The following KCTD15 variants were observed in gnomAD, a reference collection of about 807,000 sequenced individuals.
The protein encoded by KCTD15 is BTB/POZ domain-containing protein KCTD15.
A neutral mutation model predicts 27.2 loss-of-function variants in KCTD15; 11 were observed. The observed-to-expected ratio is 0.41, with a 90% CI of 0.25 to 0.67. The LOEUF is 0.67. Among genes scored for constraint, KCTD15 ranks in the 30% least tolerant of loss-of-function variants. The pLI, the probability that KCTD15 is intolerant of heterozygous loss-of-function variation, is 0.35. For synonymous variants in KCTD15, 163 were observed against 176.0 expected (o/e 0.93, Z 0.58); for missense variants, 350 against 409.3 (o/e 0.86, Z 1.25).
intron 2 of KCTD15, among the ~76,000 whole-genome samples, 184 bp from the exon 3 acceptor site, chr19:33,800,242 GGA>G (rs1975482186): frequency 6.6e-6 from 1 of 152,174 alleles, no homozygotes; most frequent in Non-Finnish European, 1.5e-5. Flanking sequence ...GCTACAGCCT[GGA>G]GGCCTGCTTT....
At chr19:33,805,784 C>T (rs1181226261) in intron 4 of KCTD15, among the ~76,000 whole-genome samples, 1 of 152,184 alleles carries the variant, frequency 6.6e-6, no homozygotes, top group Non-Finnish European at 1.5e-5. Context: ...CCTAGTTATC[C>T]CTAGCTCGAC....
intron 5 of KCTD15, among the ~76,000 whole-genome samples, chr19:33,809,931 A>G (rs1021379121): frequency 2.0e-5 from 3 of 152,214 alleles, no homozygotes; most frequent in Non-Finnish European, 4.4e-5. Context: ...GGCCCAGGAT[A>G]GAGCCCTGAG....
chr19:33,798,621 T>G (rs1362377348), intron 1 of KCTD15, 47 bp from the exon 2 acceptor site: 2 of 152,746 alleles, frequency 1.3e-5, no homozygotes, highest in Non-Finnish European at 2.9e-5. Context: ...GCTGGTGGAA[T>G]GAACTTGTAT....
intron 4 of KCTD15, 101 bp from the exon 5 acceptor site, chr19:33,806,762 C>A: frequency 7.2e-7 from 1 of 1,379,614 alleles, no homozygotes; most frequent in Non-Finnish European, 1.0e-6. Context: ...GTCCCTCGCC[C>A]CTCCAGCCGT....
intron 1 of KCTD15, among the ~76,000 whole-genome samples, 169 bp downstream of exon 1, chr19:33,797,156 C>T (rs1432327213): frequency 2.0e-5 from 3 of 151,894 alleles, no homozygotes; most frequent in Non-Finnish European, 4.4e-5. Context: ...AGCACAAAGG[C>T]CTGGTGCAAG....
At chr19:33,810,692 A>C (rs1441662391) in intron 5 of KCTD15, among the ~76,000 whole-genome samples, 5 of 150,540 alleles carry the variant, frequency 3.3e-5, no homozygotes, top group Admixed American at 1.3e-4. Flanking sequence ...AAAAAACAAA[A>C]AAAAACGAAA....
At chr19:33,804,062 C>T (rs781743098) in intron 4 of KCTD15, among the ~76,000 whole-genome samples, 4 of 152,186 alleles carry the variant, frequency 2.6e-5, no homozygotes, top group African/African-American at 7.2e-5. Context: ...CCACAGGGAA[C>T]GTGGAGCCCC....
chr19:33,804,428 T>C (rs1975652968), intron 4 of KCTD15, among the ~76,000 whole-genome samples: 1 of 152,012 alleles, frequency 6.6e-6, no homozygotes, highest in Non-Finnish European at 1.5e-5. Flanking sequence ...GTCAGAAGGG[T>C]TGGGAACTCA....
chr19:33,813,697 CTG>C lies in KCTD15; in HGVS notation c.*754_*755del. On this transcript the variant is annotated 3_prime_UTR_variant, in exon 7 of 7. Coordinates refer to ENST00000683859, the MANE Select transcript of KCTD15 (RefSeq NM_001129994.2). ...GCTGCCCAGGGGCTTCCAGTCCTGT[CTG>C]TGTGGACTGGCACCTGGGCTGCTGG... 1 of 242,726 alleles carries C rather than the reference CTG, an allele frequency of 4.1e-6. No homozygotes were observed. Among genetic ancestry groups the C allele is most frequent in the East Asian group, 1.4e-4 (1 of 7,312 alleles). 15.0% of individuals were successfully genotyped at this position (242,726 alleles called of 1,614,324 possible). A position where few individuals can be genotyped will look rare whatever the true frequency, so the allele number is the denominator to read the frequency against.
At chr19:33,812,608 C>T in intron 6 of KCTD15, 182 bp from the exon 7 acceptor site, 2 of 1,294,128 alleles carry the variant, frequency 1.5e-6, no homozygotes, top group Non-Finnish European at 2.0e-6. Flanking sequence ...CCACTTCTGT[C>T]CCTCTGGTGG....
intron 4 of KCTD15, among the ~76,000 whole-genome samples, chr19:33,806,382 G>T (rs747637778): frequency 6.6e-6 from 1 of 152,184 alleles, no homozygotes; most frequent in African/African-American, 2.4e-5. Context: ...TCTCACACTC[G>T]TTTACATGGG....
chr19:33,794,674 C>T (rs561728946), upstream of KCTD15, among the ~76,000 whole-genome samples: 15 of 152,334 alleles, frequency 9.8e-5, no homozygotes, highest in Middle Eastern at 3.4e-3. Flanking sequence ...TTGGGGGCAC[C>T]CACACACACA....
rs575181802 is a variant in KCTD15 at position 33,810,880 on chromosome 19, C to T, written c.388-367C>T. Among the ~76,000 whole-genome samples, 17 of 151,972 alleles carry T rather than the reference C, an allele frequency of 1.1e-4. No individual in the cohort carries two copies. The South Asian group carries it at 1.5e-3, about 13-fold the overall frequency. On this transcript the variant is annotated intron_variant, in intron 5 of 6. Coordinates refer to ENST00000683859, the MANE Select transcript of KCTD15 (RefSeq NM_001129994.2). ...CTGTGCCCAGCATGATCTCTTCTCT[C>T]GGTGGGATTCTAAGGCAGCAGCAGG...
At chr19:33,812,369 A>C in intron 6 of KCTD15, 1 of 1,025,894 alleles carries the variant, frequency 9.7e-7, no homozygotes, top group Non-Finnish European at 1.2e-6. Context: ...AAGCTGGTGG[A>C]TGCCTAGAGG....
At chr19:33,808,766 A>G (rs1975791074) in intron 5 of KCTD15, among the ~76,000 whole-genome samples, 1 of 152,102 alleles carries the variant, frequency 6.6e-6, no homozygotes, top group Non-Finnish European at 1.5e-5. Context: ...CCCCTTCCCC[A>G]GGCCAAGGGA....
chr19:33,811,771 T>C, intron 6 of KCTD15: 1 of 1,518,842 alleles, frequency 6.6e-7, no homozygotes, highest in South Asian at 1.2e-5. Flanking sequence ...ATCTGTACTT[T>C]TTTTTTTTTT....
Position 33,801,178 on chromosome 19 carries a change from C to T in KCTD15, c.78C>T (p.Asn26=), listed in dbSNP as rs756319900. ...GTTTCCATCTCTAGGAGGGAGGAAA[C>T]ATGTCCCGGCTGTCTCTCACCCGGT... is the stretch of plus-strand genomic sequence containing the variant. ...HGSTGTAEGG[N]MSRLSLTRSP... The change falls in exon 4 of 7, where the codon AAC becomes AAT. Residue 26 remains asparagine (N), a synonymous_variant. Transcript: ENST00000683859. 1.9e-6 allele frequency: 3 copies of T among 1,603,392 alleles called. No individual in the cohort carries two copies. The highest frequency in any genetic ancestry group is 2.6e-6 in the Non-Finnish European group (3 of 1,174,596).
At chr19:33,802,115 T>C (rs1006097267) in intron 4 of KCTD15, among the ~76,000 whole-genome samples, 1 of 152,102 alleles carries the variant, frequency 6.6e-6, no homozygotes, top group Admixed American at 6.5e-5. Context: ...CTCTCCTGGG[T>C]GAGGGACCTG....
At chr19:33,808,960 T>C (rs29946) in intron 5 of KCTD15, among the ~76,000 whole-genome samples, 84,272 of 151,628 alleles carry the variant, frequency 0.56, 23,805 homozygotes, top group Middle Eastern at 0.72. Context: ...CATAGCAAGA[T>C]GCTGTCTATA....
Sources: gnomAD v4.1 joint callset for allele counts (sites outside exome capture counted in the v4.1 genomes callset) on GRCh38, gnomAD v4.1.1 for gene constraint, MANE v1.5 for transcripts, NCBI Gene and HGNC (gene_info 2026-07-23, HGNC 2026-07-21) for gene names.